QKI: variants seen among roughly 807,000 people sequenced by gnomAD.
QKI encodes the protein QKI, KH domain containing RNA binding.
QKI carries 10 observed loss-of-function variants against 39.0 expected under a neutral mutation model. The observed-to-expected ratio is 0.26, with a 90% CI of 0.16 to 0.43. The LOEUF is 0.43. QKI is among the 20% of genes least tolerant of loss of function. The pLI, the probability that QKI is intolerant of heterozygous loss-of-function variation, is 1.00. For synonymous variants in QKI, 204 were observed against 155.4 expected (o/e 1.31, Z -2.33); for missense variants, 218 against 428.0 (o/e 0.51, Z 4.33).
intron 3 of QKI, among the ~76,000 whole-genome samples, chr6:163,529,418 A>G (rs1256668893): frequency 1.3e-5 from 2 of 152,230 alleles, no homozygotes; most frequent in East Asian, 1.9e-4. Context: ...ATGTGTACAT[A>G]CTGTCAAGAG....
intron 4 of QKI, among the ~76,000 whole-genome samples, chr6:163,555,721 A>G (rs926507269): frequency 5.9e-5 from 9 of 152,186 alleles, no homozygotes; most frequent in African/African-American, 2.2e-4. Flanking sequence ...ATGCTGGAGA[A>G]TTTGGGCCTT....
At chr6:163,455,482 A>G in intron 2 of QKI, 61 bp downstream of exon 2, 2 of 1,467,172 alleles carry the variant, frequency 1.4e-6, no homozygotes, top group South Asian at 1.3e-5. Flanking sequence ...GGGAAGAGAT[A>G]TATTTGGTGG....
At chr6:163,553,897 C>T (rs934766779) in intron 4 of QKI, among the ~76,000 whole-genome samples, 1 of 152,086 alleles carries the variant, frequency 6.6e-6, no homozygotes, top group Non-Finnish European at 1.5e-5. Flanking sequence ...AAATAAAGTG[C>T]CTGACACTTT....
intron 1 of QKI, among the ~76,000 whole-genome samples, chr6:163,422,934 A>G (rs1471615031): frequency 6.6e-6 from 1 of 152,244 alleles, no homozygotes; most frequent in African/African-American, 2.4e-5. Context: ...GAAAAAACAA[A>G]CAAAAAATAA....
intron 1 of QKI, among the ~76,000 whole-genome samples, chr6:163,430,358 T>G (rs529580944): frequency 6.6e-6 from 1 of 152,174 alleles, no homozygotes; most frequent in Admixed American, 6.5e-5. Flanking sequence ...TTGACTCTCT[T>G]TAGGTTTTTG....
intron 1 of QKI, among the ~76,000 whole-genome samples, chr6:163,429,276 A>G (rs1788648828): frequency 6.6e-6 from 1 of 152,176 alleles, no homozygotes; most frequent in Non-Finnish European, 1.5e-5. Context: ...GAAAAACTAA[A>G]ATATATCAAT....
At chr6:163,519,391 G>A (rs182449386) in intron 3 of QKI, among the ~76,000 whole-genome samples, 9 of 152,068 alleles carry the variant, frequency 5.9e-5, no homozygotes, top group East Asian at 1.9e-4. Context: ...CTCAGAGATC[G>A]TGCCAGATTT....
chr6:163,466,769 T>C (rs1791789127), intron 2 of QKI, among the ~76,000 whole-genome samples: 1 of 151,986 alleles, frequency 6.6e-6, no homozygotes. Flanking sequence ...CTATAAAACA[T>C]GTAGGAAAAA....
At chr6:163,526,666 CTT>C (rs934455598) in intron 3 of QKI, among the ~76,000 whole-genome samples, 1 of 152,080 alleles carries the variant, frequency 6.6e-6, no homozygotes, top group Non-Finnish European at 1.5e-5. Context: ...TTATGGGAAA[CTT>C]TTTGTACATA....
intron 3 of QKI, among the ~76,000 whole-genome samples, chr6:163,532,233 C>G (rs1228655999): frequency 6.6e-6 from 1 of 151,966 alleles, no homozygotes; most frequent in African/African-American, 2.4e-5. Flanking sequence ...TATAAATGTT[C>G]CTCAGTTTTC....
intron 3 of QKI, among the ~76,000 whole-genome samples, chr6:163,486,408 C>T (rs772875829): frequency 1.3e-4 from 20 of 152,128 alleles, no homozygotes; most frequent in Non-Finnish European, 2.4e-4. Flanking sequence ...ACATGACTTA[C>T]GAAATGTTAT....
chr6:163,570,730 T>C lies in QKI; in HGVS notation c.*20T>C, dbSNP rs372709791. On this transcript the variant is annotated 3_prime_UTR_variant, in exon 8 of 8. Coordinates refer to ENST00000361752, the MANE Select transcript of QKI (RefSeq NM_006775.3). ...AACTAACCTATGACCTTCTGACCTC[T>C]GAACTCTTCACCCAATGATGACCTG... 1 of 1,613,022 alleles carries C rather than the reference T, an allele frequency of 6.2e-7. No homozygotes were observed. Among genetic ancestry groups the C allele is most frequent in the Non-Finnish European group, 8.5e-7 (1 of 1,179,534 alleles).
chr6:163,433,445 A>G, intron 1 of QKI, among the ~76,000 whole-genome samples: 1 of 152,198 alleles, frequency 6.6e-6, no homozygotes, highest in East Asian at 1.9e-4. Context: ...TCCTAACAGT[A>G]TAAATATGAA....
At chr6:163,463,623 A>G in intron 2 of QKI, among the ~76,000 whole-genome samples, 1 of 152,232 alleles carries the variant, frequency 6.6e-6, no homozygotes, top group African/African-American at 2.4e-5. Flanking sequence ...ATATAACTGG[A>G]TAATAAGCTG....
intron 5 of QKI, 40 bp from the exon 6 acceptor site, chr6:163,563,380 T>C (rs1783150395): frequency 6.6e-7 from 1 of 1,505,716 alleles, no homozygotes; most frequent in South Asian, 1.3e-5. Flanking sequence ...TTTATACTGC[T>C]GTCTCTATAC....
At chr6:163,542,379 G>A (rs1451678321) in intron 4 of QKI, among the ~76,000 whole-genome samples, 4 of 151,994 alleles carry the variant, frequency 2.6e-5, no homozygotes, top group African/African-American at 9.7e-5. Flanking sequence ...CAAGAATGGT[G>A]AAATTGGAGG....
At chr6:163,562,517 T>C (rs1323598795) in intron 5 of QKI, among the ~76,000 whole-genome samples, 1 of 152,196 alleles carries the variant, frequency 6.6e-6, no homozygotes, top group Non-Finnish European at 1.5e-5. Context: ...TTCCCTCTAG[T>C]ATTTTTCCCT....
At position 163,468,370 on chromosome 6, in the gene QKI, T is replaced by G. The variant is rs73784411; in HGVS notation, c.286-10410T>G. 3.4e-3 allele frequency among the ~76,000 whole-genome samples: 518 copies of G among 152,336 alleles called. 4 individuals are homozygous for G. The highest frequency in any genetic ancestry group is 0.012 in the African/African-American group (488 of 41,590). ...CAAATTTTAGGCACAGATTACACTT[T>G]ATCAGTTCTTAGAAGTGTTTCACTT... On this transcript the variant is annotated intron_variant, in intron 2 of 7. Transcript: ENST00000361752.
intron 7 of QKI, chr6:163,569,703 C>T: frequency 1.0e-6 from 1 of 994,536 alleles, no homozygotes; most frequent in Non-Finnish European, 1.2e-6. Context: ...ATAGTATTTA[C>T]AGGTGGCTTC....
Sources: allele counts gnomAD v4.1 joint callset (sites outside exome capture counted in the v4.1 genomes callset), GRCh38; gene constraint gnomAD v4.1.1; transcripts MANE v1.5; gene names NCBI Gene and HGNC (gene_info 2026-07-23, HGNC 2026-07-21).